FGF12: variants seen among roughly 807,000 people sequenced by gnomAD.
FGF12 encodes fibroblast growth factor 12.
FGF12 carries 14 observed loss-of-function variants against 23.6 expected under a neutral mutation model. The ratio of observed to expected loss-of-function variants is 0.59; its 90% CI spans 0.39 to 0.93. The LOEUF (loss-of-function observed/expected upper bound fraction) is 0.93. Ranked by LOEUF, FGF12 falls within the 40% of genes least tolerant of loss-of-function variation. The pLI, the probability that FGF12 is intolerant of heterozygous loss-of-function variation, is 0.00. For missense variants in FGF12, 175 were observed against 217.8 expected (o/e 0.80, Z 1.24); for synonymous variants, 62 against 77.3 (o/e 0.80, Z 1.04).
At chr3:192,176,080 C>T (rs1663488725) in intron 4 of FGF12, among the ~76,000 whole-genome samples, 1 of 152,150 alleles carries the variant, frequency 6.6e-6, no homozygotes, top group Non-Finnish European at 1.5e-5. Flanking sequence ...GATAAATAGA[C>T]AGAAATTTAG....
chr3:192,529,142 CTCTT>C (rs2108850079), intron 2 of FGF12, among the ~76,000 whole-genome samples: 1 of 152,312 alleles, frequency 6.6e-6, no homozygotes, highest in Admixed American at 6.5e-5. Flanking sequence ...CTTTTACGCT[CTCTT>C]TCACTTATAA....
chr3:192,251,979 C>T (rs143764069), intron 4 of FGF12, among the ~76,000 whole-genome samples: 173 of 152,102 alleles, frequency 1.1e-3, no homozygotes, highest in Admixed American at 2.1e-3. Context: ...AAACACGTAT[C>T]GTTATTTAGG....
chr3:192,634,762 A>G (rs1201491019), intron 2 of FGF12, among the ~76,000 whole-genome samples: 1 of 152,222 alleles, frequency 6.6e-6, no homozygotes, highest in Non-Finnish European at 1.5e-5. Context: ...AAAATTAATT[A>G]GCTAAATTAA....
rs66508726 is a variant in FGF12, at chr3:192,696,153, C to CTT, written c.13+31026_13+31027dup. On this transcript the variant is annotated intron_variant, in intron 2 of 5. Transcript: ENST00000445105. ...TGTTTTTCTGTGATGCTAAGCTCAG[C>CTT]TTTTTTTTTTTTTTTAATCATTTCC... Among the ~76,000 whole-genome samples the CTT allele has an allele frequency of 4.7e-3, 661 of 140,794 alleles. 8 individuals carry two copies. Among genetic ancestry groups the CTT allele is most frequent in the Admixed American group, 0.02 (284 of 14,094 alleles). The allele number at this position is 140,794 out of a possible 152,430, so 92.4% of individuals were successfully genotyped here.
chr3:192,378,862 C>A (rs1172540170), intron 2 of FGF12, among the ~76,000 whole-genome samples: 1 of 152,050 alleles, frequency 6.6e-6, no homozygotes, highest in African/African-American at 2.4e-5. Context: ...CACCCAGGTA[C>A]TAAGCCTAGT....
At chr3:192,290,449 G>T (rs1163362601) in intron 4 of FGF12, among the ~76,000 whole-genome samples, 2 of 152,184 alleles carry the variant, frequency 1.3e-5, no homozygotes, top group East Asian at 3.8e-4. Context: ...AGTAGTGAAA[G>T]AAGGGGAAGT....
In FGF12 at chr3:192,639,393, A is replaced by C. The variant is rs1344504292; in HGVS notation, c.13+87788T>G. Among the ~76,000 whole-genome samples, 4 of 152,260 alleles carry C rather than the reference A, an allele frequency of 2.6e-5. No homozygotes were observed. In the East Asian group the frequency reaches 7.7e-4, roughly 29 times the overall value. On this transcript the variant is annotated intron_variant, in intron 2 of 5. Coordinates refer to ENST00000445105, the MANE Select transcript of FGF12 (RefSeq NM_004113.6). ...GTAACCATTATCGAAAGCAGTATGGAGATTTCCAAATAAATTCAAAATAGA... is the reference window on the plus strand; with the variant it reads ...GTAACCATTATCGAAAGCAGTATGGCGATTTCCAAATAAATTCAAAATAGA...
At chr3:192,164,795 C>T (rs772127566) in intron 5 of FGF12, among the ~76,000 whole-genome samples, 1 of 152,108 alleles carries the variant, frequency 6.6e-6, no homozygotes, top group African/African-American at 2.4e-5. Context: ...TTAAACATTA[C>T]AAACAAAATA....
chr3:192,381,963 T>C (rs1471721269), intron 2 of FGF12, among the ~76,000 whole-genome samples: 3 of 151,342 alleles, frequency 2.0e-5, no homozygotes, highest in African/African-American at 4.9e-5. Flanking sequence ...ACATAGGACA[T>C]ATAGGGAGTG....
chr3:192,325,490 T>TTCTC (rs147933643), intron 4 of FGF12, among the ~76,000 whole-genome samples: 1 of 151,644 alleles, frequency 6.6e-6, no homozygotes, highest in Non-Finnish European at 1.5e-5. Flanking sequence ...AGGTTCTTGT[T>TTCTC]TCTCTCTCTC....
chr3:192,650,430 A>G (rs987684970), intron 2 of FGF12, among the ~76,000 whole-genome samples: 1 of 152,156 alleles, frequency 6.6e-6, no homozygotes, highest in African/African-American at 2.4e-5. Flanking sequence ...CACTTTTGAT[A>G]AACTCCTACT....
chr3:192,231,027 C>A (rs1718991866), intron 4 of FGF12, among the ~76,000 whole-genome samples: 1 of 152,160 alleles, frequency 6.6e-6, no homozygotes, highest in Non-Finnish European at 1.5e-5. Context: ...GATTTATAGT[C>A]TCTAGACATT....
Position 192,641,206 on chromosome 3 carries a change from C to T in FGF12, c.13+85975G>A, listed in dbSNP as rs558577100. On this transcript the variant is annotated intron_variant, in intron 2 of 5. Coordinates refer to ENST00000445105, the MANE Select transcript of FGF12 (RefSeq NM_004113.6). ...CTGCAAGCTCCGCCTCCCGGGTTCA[C>T]GCCATTCTCCTGCCTCAGCCTCCCA... is the stretch of plus-strand genomic sequence containing the variant. Among the ~76,000 whole-genome samples, 11 of 78,510 alleles carry T rather than the reference C, an allele frequency of 1.4e-4. 4 individuals are homozygous for T. In the East Asian group the frequency reaches 5.0e-3, roughly 36 times the overall value. The allele number at this position is 78,510 out of a possible 152,430, so 51.5% of individuals were successfully genotyped here.
chr3:192,533,570 C>A (rs1409684589), intron 2 of FGF12, among the ~76,000 whole-genome samples: 1 of 152,180 alleles, frequency 6.6e-6, no homozygotes, highest in East Asian at 1.9e-4. Flanking sequence ...GTCTTCAGAG[C>A]TTCTTGAATT....
chr3:192,170,471 C>T lies in FGF12; in HGVS notation c.414G>A (p.Pro138=), dbSNP rs866731108. The T allele has an allele frequency of 8.1e-6, 13 of 1,613,702 alleles. No individual in the cohort carries two copies. Among genetic ancestry groups the T allele is most frequent in the African/African-American group, 1.3e-5 (1 of 74,874 alleles). ...KKTKPSSHFV[P]KPIEVCMYRE... Reference sequence around the variant, plus strand: ...TTGGTTTCATACCTTCAATAGGTTTCGGTACAAAATGTGATGAGGGCTTGG... The same window carrying T: ...TTGGTTTCATACCTTCAATAGGTTTTGGTACAAAATGTGATGAGGGCTTGG... The change falls in exon 5 of 6, where the codon CCG becomes CCA. Residue 138 remains proline (P), a synonymous_variant. Transcript: ENST00000445105.
intron 2 of FGF12, among the ~76,000 whole-genome samples, chr3:192,584,849 A>G (rs532445632): frequency 8.7e-4 from 133 of 152,002 alleles, no homozygotes; most frequent in African/African-American, 3.0e-3. Flanking sequence ...CTATTGATGA[A>G]TTACTGTAAA....
Position 192,494,998 on chromosome 3 carries a change from T to C in FGF12, c.14-134460A>G, listed in dbSNP as rs942207991. On this transcript the variant is annotated intron_variant, in intron 2 of 5. Transcript: ENST00000445105. ...GCCTCGGCCTCCTGAGTAACTGAGA[T>C]TACAGGTGCCCGCCACCTCGCCCGG... Among the ~76,000 whole-genome samples, 46 of 152,242 alleles carry C rather than the reference T, an allele frequency of 3.0e-4. 1 individual carries two copies. The South Asian group carries it at 3.9e-3, about 13-fold the overall frequency.
rs1718661404 is a variant in FGF12 at position 192,360,357 on chromosome 3, C to T, written c.124+71G>A. The stretch of plus-strand genomic sequence containing the variant: ...AGTTTGGTAAGGCAGCTTAGCAATG[C>T]TTTAAGTATAAGATACACTGGGCCC... On this transcript the variant is annotated intron_variant, in intron 3 of 5. Coordinates refer to ENST00000445105, the MANE Select transcript of FGF12 (RefSeq NM_004113.6). The surrounding 1 kb of genome is among the most constrained non-coding windows in gnomAD (Gnocchi z 4.3). The T allele has an allele frequency of 9.4e-7, 1 of 1,068,864 alleles. No homozygotes were observed. Among genetic ancestry groups the T allele is most frequent in the African/African-American group, 1.6e-5 (1 of 63,974 alleles). The allele number at this position is 1,068,864 out of a possible 1,614,324, so 66.2% of individuals were successfully genotyped here. A position where few individuals can be genotyped will look rare whatever the true frequency, so the allele number is the denominator to read the frequency against.
chr3:192,497,191 T>C (rs6796510), intron 2 of FGF12, among the ~76,000 whole-genome samples: 12,813 of 152,238 alleles, frequency 0.084, 627 homozygotes, highest in Admixed American at 0.19. Context: ...ATTTCCCAAA[T>C]CAGTAAAAGG....
Sources: gnomAD v4.1 joint callset for allele counts (sites outside exome capture counted in the v4.1 genomes callset) on GRCh38, gnomAD v4.1.1 for gene constraint, Gnocchi (gnomAD v3.1) non-coding constraint, MANE v1.5 for transcripts, NCBI Gene and HGNC (gene_info 2026-07-23, HGNC 2026-07-21) for gene names.